The following WDR26 variants were observed in gnomAD, a reference collection of about 807,000 sequenced individuals.
WDR26 encodes the protein WD repeat domain 26, also known as WD repeat-containing protein 26.
WDR26 carries 5 observed loss-of-function variants against 84.1 expected under a neutral mutation model. The observed-to-expected ratio is 0.06, with a 90% confidence interval of 0.03 to 0.13. The LOEUF is 0.13. Among genes scored for constraint, WDR26 ranks in the 10% least tolerant of loss-of-function variants. The probability of loss-of-function intolerance (pLI) is 1.00; values close to 1 mark genes in which losing one functional copy is unlikely to be tolerated. For synonymous variants in WDR26, 415 were observed against 389.6 expected (o/e 1.07, Z -0.77); for missense variants, 642 against 974.9 (o/e 0.66, Z 4.55).
intron 8 of WDR26, among the ~76,000 whole-genome samples, chr1:224,403,241 G>A (rs1303142241): frequency 6.6e-6 from 1 of 152,050 alleles, no homozygotes; most frequent in South Asian, 2.1e-4. Context: ...TAGTAGAGAC[G>A]GGGTTTCACC....
chr1:224,402,447 T>A (rs1353007054), intron 8 of WDR26, among the ~76,000 whole-genome samples: 1 of 152,188 alleles, frequency 6.6e-6, no homozygotes, highest in Non-Finnish European at 1.5e-5. Flanking sequence ...CTCTAAATAG[T>A]GAGTACATGA....
At chr1:224,415,741 TG>T (rs779707622) in intron 6 of WDR26, among the ~76,000 whole-genome samples, 13 of 152,118 alleles carry the variant, frequency 8.5e-5, no homozygotes, top group Non-Finnish European at 7.3e-5. Context: ...ATTACAGGCG[TG>T]AGCCACTGCA....
At chr1:224,415,768 G>A in intron 6 of WDR26, among the ~76,000 whole-genome samples, 1 of 152,134 alleles carries the variant, frequency 6.6e-6, no homozygotes, top group Non-Finnish European at 1.5e-5. Flanking sequence ...CCTGGAACAT[G>A]TATTTCTTAA....
rs534871162 is a variant in WDR26 at position 224,391,713 on chromosome 1, T to C, written c.2261-1853A>G. Among the ~76,000 whole-genome samples the C allele has an allele frequency of 2.0e-5, 3 of 152,278 alleles. No homozygotes were observed. In the South Asian group the frequency reaches 6.2e-4, roughly 32 times the overall value. On this transcript the variant is annotated intron_variant, in intron 13 of 13. Coordinates refer to ENST00000414423, the MANE Select transcript of WDR26 (RefSeq NM_001379403.1). ...GGCTGTATTTTGATTTTTTTTAATA[T>C]TGATTTCTTTAGCCTCATCTATATT...
chr1:224,401,695 A>ACAAAAAG (rs5781367), intron 8 of WDR26, among the ~76,000 whole-genome samples: 1 of 104,080 alleles, frequency 9.6e-6, no homozygotes, highest in Non-Finnish European at 1.9e-5. Context: ...AAAAAGAAAA[A>ACAAAAAG]AAAAAAGAAA....
chr1:224,424,444 T>C, intron 4 of WDR26, 74 bp downstream of exon 4: 2 of 1,561,736 alleles, frequency 1.3e-6, no homozygotes, highest in Non-Finnish European at 1.7e-6. Flanking sequence ...CAAGATTTTA[T>C]ATTTTGGAAA....
intron 4 of WDR26, among the ~76,000 whole-genome samples, chr1:224,424,192 T>C (rs982993466): frequency 6.6e-6 from 1 of 152,268 alleles, no homozygotes; most frequent in South Asian, 2.1e-4. Context: ...CATTGTTTAC[T>C]GTGATCCATA....
At position 224,396,824 on chromosome 1, in the gene WDR26, TGAG is replaced by T. The variant is rs557055348; in HGVS notation, c.2074+1270_2074+1272del. 6.5e-3 allele frequency among the ~76,000 whole-genome samples: 988 copies of T among 152,090 alleles called. 6 individuals carry two copies. The highest frequency in any genetic ancestry group is 0.01 in the Non-Finnish European group (706 of 67,980). The stretch of plus-strand genomic sequence containing the variant: ...AATTTGTTGGGGCTACTTGAGGGGC[TGAG>T]GAGGGAAGGACTGCTTGAGCCCAGG... On this transcript the variant is annotated intron_variant, in intron 12 of 13. Coordinates refer to ENST00000414423, the MANE Select transcript of WDR26 (RefSeq NM_001379403.1).
At chr1:224,419,697 C>T (rs910866904) in intron 4 of WDR26, 82 bp from the exon 5 acceptor site, 9 of 1,065,172 alleles carry the variant, frequency 8.4e-6, no homozygotes, top group African/African-American at 1.6e-5. Flanking sequence ...GACCATCTGG[C>T]TATCTGCTTC....
At chr1:224,414,265 C>T (rs1000179175) in intron 6 of WDR26, among the ~76,000 whole-genome samples, 4 of 151,708 alleles carry the variant, frequency 2.6e-5, no homozygotes, top group Admixed American at 2.6e-4. Context: ...ACCACCACAC[C>T]CGGCTAATTT....
At chr1:224,432,223 T>C (rs779557030) in intron 1 of WDR26, among the ~76,000 whole-genome samples, 2 of 152,222 alleles carry the variant, frequency 1.3e-5, no homozygotes, top group African/African-American at 2.4e-5. Flanking sequence ...GCATAGAAAT[T>C]CTACTAGGTC....
intron 7 of WDR26, among the ~76,000 whole-genome samples, chr1:224,410,281 C>CAAAAAA (rs10707541): frequency 1.9e-5 from 2 of 103,160 alleles, no homozygotes; most frequent in African/African-American, 3.5e-5. Flanking sequence ...GACTTTGTCT[C>CAAAAAA]AAAAAAAAAA....
chr1:224,418,187 A>T (rs1247254157), intron 6 of WDR26, 73 bp downstream of exon 6: 1 of 1,320,610 alleles, frequency 7.6e-7, no homozygotes, highest in Non-Finnish European at 1.0e-6. Flanking sequence ...CTACAGGATA[A>T]GACTCTAAAA....
chr1:224,428,145 T>C (rs750655556), intron 3 of WDR26, among the ~76,000 whole-genome samples: 1 of 152,202 alleles, frequency 6.6e-6, no homozygotes, highest in Non-Finnish European at 1.5e-5. Flanking sequence ...GCTTGAATGA[T>C]AGTTTCACGT....
rs924292624 is a variant in WDR26 at position 224,434,190 on chromosome 1, C to G, written c.216G>C (p.Val72=). The G allele has an allele frequency of 1.6e-5, 22 of 1,414,852 alleles. No individual in the cohort carries two copies. The highest frequency in any genetic ancestry group is 2.0e-5 in the Non-Finnish European group (22 of 1,090,414). The allele number at this position is 1,414,852 out of a possible 1,614,324, so 87.6% of individuals were successfully genotyped here. The stretch of plus-strand genomic sequence containing the variant: ...GAGGGGCAGCAGCCGGGGGAAGTCC[C>G]ACCACTACCACCACGGAGGAGGAGG... The change falls in exon 1 of 14, where the codon GTG becomes GTC. Residue 72 remains valine, a synonymous_variant. Coordinates refer to ENST00000414423, the MANE Select transcript of WDR26 (RefSeq NM_001379403.1).
intron 4 of WDR26, among the ~76,000 whole-genome samples, chr1:224,423,495 C>T (rs1436225334): frequency 2.0e-5 from 3 of 152,148 alleles, no homozygotes; most frequent in African/African-American, 4.8e-5. Flanking sequence ...CCTATTAACC[C>T]AGCACCTTGG....
At position 224,419,617 on chromosome 1, in the gene WDR26, T is replaced by TA; in HGVS notation, c.1065-3dup. 6.2e-7 allele frequency: 1 copy of TA among 1,610,872 alleles called. No individual in the cohort carries two copies. Among genetic ancestry groups the TA allele is most frequent in the African/African-American group, 1.3e-5 (1 of 74,976 alleles). ...TCTGCATGGCTACACATCAGATACC[T>TA]AAAAATACAACAGAGAAAGCAACCA... is the stretch of plus-strand genomic sequence containing the variant. On this transcript the variant is annotated splice_region_variant and splice_polypyrimidine_tract_variant and intron_variant, in intron 4 of 13. Transcript: ENST00000414423.
chr1:224,410,791 C>T (rs963202070), intron 7 of WDR26, among the ~76,000 whole-genome samples: 5 of 151,124 alleles, frequency 3.3e-5, no homozygotes, highest in African/African-American at 9.7e-5. Context: ...CTCCACCTCC[C>T]GGGCTCAAGT....
chr1:224,417,696 T>C (rs533859187), intron 6 of WDR26, among the ~76,000 whole-genome samples: 33 of 152,262 alleles, frequency 2.2e-4, no homozygotes, highest in African/African-American at 7.5e-4. Flanking sequence ...AGGCTGTGTC[T>C]AAAAAAGAAA....
Sources: allele counts gnomAD v4.1 joint callset (sites outside exome capture counted in the v4.1 genomes callset), GRCh38; gene constraint gnomAD v4.1.1; transcripts MANE v1.5; gene names NCBI Gene and HGNC (gene_info 2026-07-23, HGNC 2026-07-21).